S100A13: variants seen among roughly 807,000 people sequenced by gnomAD.
S100A13 encodes S100 calcium binding protein A13.
S100A13 carries 6 observed loss-of-function variants against 8.2 expected under a neutral mutation model. That is an observed-to-expected ratio of 0.73 (90% CI 0.40 to 1.44). The LOEUF (loss-of-function observed/expected upper bound fraction) is 1.44. Ranked by LOEUF, S100A13 falls within the 40% of genes most tolerant of loss-of-function variation. The probability of loss-of-function intolerance (pLI) is 0.02; values close to 1 mark genes in which losing one functional copy is unlikely to be tolerated. For missense variants in S100A13, 114 were observed against 113.6 expected, an observed-to-expected ratio of 1.00 and a Z score of -0.02; for synonymous variants, 39 against 45.9, an observed-to-expected ratio of 0.85 and a Z score of 0.61.
At chr1:153,619,986 T>C (rs1251532269) in intron 2 of S100A13, among the ~76,000 whole-genome samples, 2 of 152,044 alleles carry the variant, frequency 1.3e-5, no homozygotes, top group Non-Finnish European at 2.9e-5. Context: ...AATAAATAAG[T>C]ATTAAGAAAG....
chr1:153,621,282 G>A (rs192887802), intron 2 of S100A13, among the ~76,000 whole-genome samples: 146 of 151,128 alleles, frequency 9.7e-4, no homozygotes, highest in East Asian at 3.4e-3. Context: ...TCAGCCTCCC[G>A]AGGAGCTGGG....
Position 153,626,710 on chromosome 1 carries a change from A to C in S100A13, c.-61-177T>G, listed in dbSNP as rs1667664127. On this transcript the variant is annotated intron_variant, in intron 1 of 2. Coordinates refer to ENST00000476133, the MANE Select transcript of S100A13 (RefSeq NM_001024211.2). ...GCAGCAGACCAGGCAACGGCATCTCAGTTTTGGTGGGGGCAGGAGATTCAG... is the reference window on the plus strand; with the variant it reads ...GCAGCAGACCAGGCAACGGCATCTCCGTTTTGGTGGGGGCAGGAGATTCAG... 1.3e-5 allele frequency: 6 copies of C among 463,058 alleles called. No homozygotes were observed. The East Asian group carries it at 2.0e-4, about 15-fold the overall frequency. 28.7% of individuals were successfully genotyped at this position (463,058 alleles called of 1,614,324 possible). A position where few individuals can be genotyped will look rare whatever the true frequency, so the allele number is the denominator to read the frequency against.
At chr1:153,625,508 T>G (rs1667559552) in intron 2 of S100A13, among the ~76,000 whole-genome samples, 1 of 151,878 alleles carries the variant, frequency 6.6e-6, no homozygotes, top group African/African-American at 2.4e-5. Flanking sequence ...GGGTAGGGAG[T>G]CTTCACAGAT....
rs113117866 is a variant in S100A13 at position 153,619,205 on chromosome 1, C to T, written c.154-167G>A. Among the ~76,000 whole-genome samples the T allele has an allele frequency of 5.3e-5, 8 of 152,292 alleles. 1 individual carries two copies. Among genetic ancestry groups the T allele is most frequent in the African/African-American group, 1.4e-4 (6 of 41,568 alleles). On this transcript the variant is annotated intron_variant, in intron 2 of 2. Coordinates refer to ENST00000476133, the MANE Select transcript of S100A13 (RefSeq NM_001024211.2). Reference sequence around the variant, plus strand: ...CTGCAGCCCCAAAACTGCACCGCCACGGGGTGCCTCTCCAAGGAGCACCAG... The same window carrying T: ...CTGCAGCCCCAAAACTGCACCGCCATGGGGTGCCTCTCCAAGGAGCACCAG...
intron 2 of S100A13, 95 bp downstream of exon 2, chr1:153,626,225 T>C: frequency 8.8e-7 from 1 of 1,136,902 alleles, no homozygotes. Flanking sequence ...CACCCTTTCT[T>C]GTGGTCACCT....
chr1:153,622,473 G>A lies in S100A13; in HGVS notation c.154-3435C>T, dbSNP rs116779192. Among the ~76,000 whole-genome samples the A allele has an allele frequency of 5.4e-3, 829 of 152,322 alleles. 10 individuals are homozygous for A. The highest frequency in any genetic ancestry group is 0.019 in the African/African-American group (783 of 41,572). ...CCACCAGTATGTAGGTATACAAACA[G>A]ATATTTGCAAGAAGGAAGAAATGGA... is the stretch of plus-strand genomic sequence containing the variant. On this transcript the variant is annotated intron_variant, in intron 2 of 2. Coordinates refer to ENST00000476133, the MANE Select transcript of S100A13 (RefSeq NM_001024211.2).
At chr1:153,630,925 T>C (rs1409902310), upstream of S100A13, 7 of 485,690 alleles carry the variant, frequency 1.4e-5, no homozygotes, top group South Asian at 7.8e-5. Context: ...AAGGGAAAGA[T>C]TGACACTTAA....
chr1:153,620,391 G>A (rs1048441817), intron 2 of S100A13, among the ~76,000 whole-genome samples: 3 of 151,476 alleles, frequency 2.0e-5, no homozygotes, highest in African/African-American at 7.3e-5. Context: ...AGTGTGGGAG[G>A]CAGAGGCTGT....
rs200918540 is a variant in S100A13, at chr1:153,624,289, G to C, written c.153+2031C>G. Among the ~76,000 whole-genome samples the C allele has an allele frequency of 7.9e-5, 12 of 152,298 alleles. No individual in the cohort carries two copies. In the East Asian group the frequency reaches 1.3e-3, roughly 17 times the overall value. ...TTGGAAATGAGGAGTTGAGAAAATT[G>C]AAAGGCCCAGATGTTGGATGAATTG... On this transcript the variant is annotated intron_variant, in intron 2 of 2. Transcript: ENST00000476133.
At chr1:153,630,531 G>A, upstream of S100A13, 1 of 1,614,240 alleles carries the variant, frequency 6.2e-7, no homozygotes. Flanking sequence ...AATGGGCTCT[G>A]AGCTGGAGAC....
At chr1:153,624,617 C>T (rs11488683) in intron 2 of S100A13, among the ~76,000 whole-genome samples, 3,236 of 138,280 alleles carry the variant, frequency 0.023, 120 homozygotes, top group African/African-American at 0.078. Context: ...CAGGAGAGAA[C>T]CTGAAGTTTC....
At chr1:153,619,099 G>T (rs2101533485) in intron 2 of S100A13, 61 bp from the exon 3 acceptor site, 1 of 1,455,676 alleles carries the variant, frequency 6.9e-7, no homozygotes, top group East Asian at 2.3e-5. Flanking sequence ...AAAGTAGGGA[G>T]GGAAGAACTG....
upstream of S100A13, chr1:153,631,484 C>T: frequency 3.1e-6 from 5 of 1,604,142 alleles, no homozygotes; most frequent in Admixed American, 1.7e-5. Flanking sequence ...CATACGGTAA[C>T]TGGTGTCATT....
chr1:153,630,947 G>A, upstream of S100A13: 1 of 455,178 alleles, frequency 2.2e-6, no homozygotes, highest in Non-Finnish European at 3.9e-6. Context: ...AGTAAACCAT[G>A]AACTCCAGGA....
At chr1:153,626,028 C>T (rs762100113) in intron 2 of S100A13, among the ~76,000 whole-genome samples, 19 of 152,140 alleles carry the variant, frequency 1.2e-4, no homozygotes, top group Non-Finnish European at 2.2e-4. Flanking sequence ...ATAGGCTCGG[C>T]GTGGTGGCAC....
In S100A13 at chr1:153,618,910, C is replaced by A. The variant is rs2101530611; in HGVS notation, c.282G>T (p.Lys94Asn). The A allele has an allele frequency of 5.0e-6, 8 of 1,614,118 alleles. No individual in the cohort carries two copies. The highest frequency in any genetic ancestry group is 5.9e-6 in the Non-Finnish European group (7 of 1,180,016). Reference sequence around the variant, plus strand: ...CCAGGCGGCTTTACTTCTTCCTGATCTTCAGGTCTTTCTTCTTCCTGATTT... The same window carrying A: ...CCAGGCGGCTTTACTTCTTCCTGATATTCAGGTCTTTCTTCTTCCTGATTT... Reference protein sequence around the residue: ...AKEIRKKKDLKIRKK With the variant: ...AKEIRKKKDLNIRKK The change falls in exon 3 of 3, where the codon AAG (lysine) becomes AAT (asparagine). Residue 94 changes from lysine (K) to asparagine (N), a missense_variant. Coordinates refer to ENST00000476133, the MANE Select transcript of S100A13 (RefSeq NM_001024211.2).
upstream of S100A13, chr1:153,628,451 T>C: frequency 1.3e-6 from 2 of 1,550,702 alleles, no homozygotes; most frequent in Non-Finnish European, 8.7e-7. Context: ...TTTGCAACCT[T>C]GGCCATCTGT....
intron 2 of S100A13, among the ~76,000 whole-genome samples, chr1:153,625,926 G>C (rs911360081): frequency 2.6e-5 from 4 of 152,218 alleles, no homozygotes; most frequent in Non-Finnish European, 5.9e-5. Context: ...ACAGCACTTT[G>C]GGAGGCCGAG....
intron 1 of S100A13, 92 bp from the exon 2 acceptor site, chr1:153,626,625 C>T (rs1335194368): frequency 1.9e-5 from 13 of 677,776 alleles, no homozygotes; most frequent in East Asian, 8.0e-5. Context: ...GTTATCACAT[C>T]AGTCTCAGCC....
Sources: allele counts gnomAD v4.1 joint callset (sites outside exome capture counted in the v4.1 genomes callset), GRCh38; gene constraint gnomAD v4.1.1; transcripts MANE v1.5; gene names NCBI Gene and HGNC (gene_info 2026-07-23, HGNC 2026-07-21).